The following RBFA variants were observed in gnomAD, a reference collection of about 807,000 sequenced individuals.
RBFA encodes the protein ribosome binding factor A.
In RBFA, 16 loss-of-function variants were observed where a neutral mutation model predicts 27.9. The observed-to-expected ratio is 0.57, with a 90% CI of 0.39 to 0.87. RBFA has a LOEUF of 0.87. Among genes scored for constraint, RBFA ranks in the 40% least tolerant of loss-of-function variants. RBFA has a pLI of 0.00. For missense variants in RBFA, 456 were observed against 432.1 expected, an observed-to-expected ratio of 1.06 and a Z score of -0.49; for synonymous variants, 181 against 181.0, an observed-to-expected ratio of 1.00 and a Z score of 0.00.
intron 4 of RBFA, among the ~76,000 whole-genome samples, chr18:80,039,079 C>A (rs932776652): frequency 2.6e-5 from 4 of 152,252 alleles, no homozygotes; most frequent in African/African-American, 7.2e-5. Context: ...ACTCGGGATG[C>A]CGAGGCGGGA....
rs184119124 is a variant in RBFA, at chr18:80,041,961, C to T, written c.492-174C>T. The T allele has an allele frequency of 6.9e-4, 196 of 285,182 alleles. 1 individual carries two copies. Among genetic ancestry groups the T allele is most frequent in the African/African-American group, 3.7e-3 (169 of 45,086 alleles). The allele number at this position is 285,182 out of a possible 1,614,324, so 17.7% of individuals were successfully genotyped here. On this transcript the variant is annotated intron_variant, in intron 4 of 6. Coordinates refer to ENST00000306735, the MANE Select transcript of RBFA (RefSeq NM_024805.3). Reference sequence around the variant, plus strand: ...CAGGATGGTCTCGATCTCCTGACCTCGTGATCCGCCCGCCTCGGCCTCCCA... The same window carrying T: ...CAGGATGGTCTCGATCTCCTGACCTTGTGATCCGCCCGCCTCGGCCTCCCA...
chr18:80,042,261 A>AT, intron 5 of RBFA, 42 bp downstream of exon 5: 2 of 1,321,074 alleles, frequency 1.5e-6, no homozygotes, highest in Admixed American at 2.2e-5. Flanking sequence ...AAAAATTTTT[A>AT]TTTTTTTAAT....
intron 5 of RBFA, among the ~76,000 whole-genome samples, chr18:80,043,540 G>T (rs996625055): frequency 1.3e-5 from 2 of 152,210 alleles, no homozygotes; most frequent in Admixed American, 6.5e-5. Context: ...AGCACTCCAG[G>T]CTCCTGTCTC....
intron 3 of RBFA, among the ~76,000 whole-genome samples, 192 bp from the exon 4 acceptor site, chr18:80,038,313 A>C (rs1488182945): frequency 1.3e-5 from 2 of 151,700 alleles, no homozygotes; most frequent in African/African-American, 4.9e-5. Context: ...GAGAGGAGGG[A>C]GGTTTTGGTT....
chr18:80,040,261 T>C (rs1045149065), intron 4 of RBFA, among the ~76,000 whole-genome samples: 9 of 126,484 alleles, frequency 7.1e-5, no homozygotes, highest in Non-Finnish European at 1.4e-4. Flanking sequence ...TTTTTTTTGC[T>C]TTTTTTGAGA....
rs759833923 is a variant in RBFA, at chr18:80,034,670, G to T, written c.158+17G>T. 6 of 1,606,286 alleles carry T rather than the reference G, an allele frequency of 3.7e-6. No individual in the cohort carries two copies. In the Admixed American group the frequency reaches 8.5e-5, roughly 23 times the overall value. On this transcript the variant is annotated intron_variant, in intron 1 of 6. Transcript: ENST00000306735. ...GAAAACCAAGTAATGCGGCGGGGGC[G>T]GTGTCCCTGGGCGCGGTATTCCCTA...
rs541589879 is a variant in RBFA, at chr18:80,042,022, G to A, written c.492-113G>A. ...ATTACAGGCGTGAGCCACCGCGCCC[G>A]GCCTCTCACTCCTGCCTCTTGGTTA... On this transcript the variant is annotated intron_variant, in intron 4 of 6. Transcript: ENST00000306735. 8.0e-4 allele frequency: 495 copies of A among 620,154 alleles called. 3 individuals carry two copies. The highest frequency in any genetic ancestry group is 1.1e-3 in the Middle Eastern group (3 of 2,616). 38.4% of individuals were successfully genotyped at this position (620,154 alleles called of 1,614,324 possible). A position where few individuals can be genotyped will look rare whatever the true frequency, so the allele number is the denominator to read the frequency against.
chr18:80,046,201 C>T lies in RBFA; in HGVS notation c.*46C>T, dbSNP rs770559395. 4 of 1,581,068 alleles carry T rather than the reference C, an allele frequency of 2.5e-6. No individual in the cohort carries two copies. In the Admixed American group the frequency reaches 5.2e-5, roughly 20 times the overall value. ...CCACATTTGCAGGGAAAAGCATTGG[C>T]ACGCAACGCAGCATGTGGCTTCATT... On this transcript the variant is annotated 3_prime_UTR_variant, in exon 7 of 7. Transcript: ENST00000306735.
chr18:80,036,402 G>T (rs563970289), intron 1 of RBFA, among the ~76,000 whole-genome samples: 121 of 152,276 alleles, frequency 7.9e-4, no homozygotes, highest in African/African-American at 2.8e-3. Context: ...AGTTTGGTAG[G>T]TGTCTTTTTA....
Position 80,047,699 on chromosome 18 carries a change from GAAAAA to G in RBFA, c.*1550_*1554del, listed in dbSNP as rs11296170. 6.6e-6 allele frequency among the ~76,000 whole-genome samples: 1 copy of G among 151,202 alleles called. No homozygotes were observed. Among genetic ancestry groups the G allele is most frequent in the Non-Finnish European group, 1.5e-5 (1 of 67,778 alleles). ...CACATGATGGTATGAGTAGGAGAGA[GAAAAA>G]AAAAAGGGAGCCAGAAATTAGGTTA... On this transcript the variant is annotated 3_prime_UTR_variant, in exon 7 of 7. Transcript: ENST00000306735.
rs1180100262 is a variant in RBFA at position 80,050,257 on chromosome 18, C to A, written c.*4102C>A. ...CAGGCCAGGGTAAGGGGAGCAGAGA[C>A]CTTTTGGTTCCTGGTTTGTGACACA... On this transcript the variant is annotated 3_prime_UTR_variant, in exon 7 of 7. Transcript: ENST00000306735. 6.6e-6 allele frequency among the ~76,000 whole-genome samples: 1 copy of A among 152,060 alleles called. No homozygotes were observed. Among genetic ancestry groups the A allele is most frequent in the Admixed American group, 6.5e-5 (1 of 15,270 alleles).
rs1454674132 is a variant in RBFA at position 80,049,380 on chromosome 18, A to G, written c.*3225A>G. 4.6e-5 allele frequency among the ~76,000 whole-genome samples: 7 copies of G among 151,320 alleles called. No homozygotes were observed. Among genetic ancestry groups the G allele is most frequent in the Non-Finnish European group, 1.0e-4 (7 of 67,820 alleles). ...AATGGGTCCACTCCCGGGGATTTCC[A>G]TGGCCTTCCCTGGATGATCCACTCC... On this transcript the variant is annotated 3_prime_UTR_variant, in exon 7 of 7. Transcript: ENST00000306735.
Position 80,046,237 on chromosome 18 carries a change from A to T in RBFA, c.*82A>T. On this transcript the variant is annotated 3_prime_UTR_variant, in exon 7 of 7. Transcript: ENST00000306735. Reference sequence around the variant, plus strand: ...GCATGTGGCTTCATTGAGGCAGTTGATGGAGTTAAACCATCTGCTCTTCTG... The same window carrying T: ...GCATGTGGCTTCATTGAGGCAGTTGTTGGAGTTAAACCATCTGCTCTTCTG... 6.8e-7 allele frequency: 1 copy of T among 1,467,882 alleles called. No homozygotes were observed. The highest frequency in any genetic ancestry group is 9.2e-7 in the Non-Finnish European group (1 of 1,086,882). 90.9% of individuals were successfully genotyped at this position (1,467,882 alleles called of 1,614,324 possible). A position where few individuals can be genotyped will look rare whatever the true frequency, so the allele number is the denominator to read the frequency against.
Position 80,048,077 on chromosome 18 carries a change from G to A in RBFA, c.*1922G>A, listed in dbSNP as rs968332284. The stretch of plus-strand genomic sequence containing the variant: ...GGAAATGAATGGTGATGATTTACGA[G>A]CGCAACATCCTAAAAAACGTTTTTG... On this transcript the variant is annotated 3_prime_UTR_variant, in exon 7 of 7. Coordinates refer to ENST00000306735, the MANE Select transcript of RBFA (RefSeq NM_024805.3). The A allele has an allele frequency of 1.3e-5, 2 of 152,234 alleles. No individual in the cohort carries two copies. Among genetic ancestry groups the A allele is most frequent in the African/African-American group, 4.8e-5 (2 of 41,444 alleles). 9.4% of individuals were successfully genotyped at this position (152,234 alleles called of 1,614,324 possible).
In RBFA at chr18:80,044,221, T is replaced by TTAC. The variant is rs760239015; in HGVS notation, c.588_590dup (p.Leu197dup). The TTAC allele has an allele frequency of 2.1e-5, 34 of 1,613,988 alleles. No individual in the cohort carries two copies. Among genetic ancestry groups the TTAC allele is most frequent in the Non-Finnish European group, 2.8e-5 (33 of 1,179,952 alleles). On this transcript the variant is annotated inframe_insertion, in exon 6 of 7. Coordinates refer to ENST00000306735, the MANE Select transcript of RBFA (RefSeq NM_024805.3). ...CTGTGTTCCTCTGTAGCTTGATCAG[T>TTAC]TACTGGCAGTCGCAGACTTTGGACC...
Position 80,034,808 on chromosome 18 carries a change from C to T in RBFA, c.158+155C>T. On this transcript the variant is annotated intron_variant, in intron 1 of 6. Transcript: ENST00000306735. ...CTGCAGCAGTTCTAGCTCTCACTGT[C>T]AGCATTTGCAGCTTTTGTGTTCGTG... 5.0e-6 allele frequency: 4 copies of T among 804,608 alleles called. No individual in the cohort carries two copies. The South Asian group carries it at 6.0e-5, about 12-fold the overall frequency. 49.8% of individuals were successfully genotyped at this position (804,608 alleles called of 1,614,324 possible).
chr18:80,035,185 T>TC (rs2051968534), intron 1 of RBFA: 1 of 154,034 alleles, frequency 6.5e-6, no homozygotes, highest in South Asian at 1.8e-4. Flanking sequence ...CGTTCCTGTG[T>TC]CCTGGCACCC....
chr18:80,038,822 G>A (rs1235453133), intron 4 of RBFA, among the ~76,000 whole-genome samples: 1 of 152,186 alleles, frequency 6.6e-6, no homozygotes, highest in African/African-American at 2.4e-5. Flanking sequence ...AAGTGTGCCA[G>A]GATCACTAGG....
At chr18:80,044,510 C>G (rs907987771) in intron 6 of RBFA, among the ~76,000 whole-genome samples, 4 of 152,252 alleles carry the variant, frequency 2.6e-5, no homozygotes, top group Non-Finnish European at 4.4e-5. Flanking sequence ...GCCATAACTC[C>G]TGCAGTGAGG....
Sources: allele counts gnomAD v4.1 joint callset (sites outside exome capture counted in the v4.1 genomes callset), GRCh38; gene constraint gnomAD v4.1.1; transcripts MANE v1.5; gene names NCBI Gene and HGNC (gene_info 2026-07-23, HGNC 2026-07-21).